Variants in HS6ST2 observed in about 807,000 individuals in gnomAD.
The protein encoded by HS6ST2 is heparan-sulfate 6-O-sulfotransferase 2.
HS6ST2 carries 17 observed loss-of-function variants against 33.0 expected under a neutral mutation model. The ratio of observed to expected loss-of-function variants is 0.52; its 90% CI spans 0.35 to 0.77. The LOEUF (loss-of-function observed/expected upper bound fraction) is 0.77. Among genes scored for constraint, HS6ST2 ranks in the 30% least tolerant of loss-of-function variants. HS6ST2 has a pLI of 0.01. For missense variants in HS6ST2, 519 were observed against 551.7 expected, an observed-to-expected ratio of 0.94 and a Z score of 0.59; for synonymous variants, 248 against 237.1, an observed-to-expected ratio of 1.05 and a Z score of -0.42.
chrX:132,900,984 T>C (rs1274009641), intron 2 of HS6ST2, among the ~76,000 whole-genome samples: 1 of 112,674 alleles, frequency 8.9e-6, no homozygotes, highest in Non-Finnish European at 1.9e-5. Flanking sequence ...ATAGATGCTA[T>C]GTGGCAAATT....
intron 3 of HS6ST2, among the ~76,000 whole-genome samples, chrX:132,699,931 T>C (rs7054155): frequency 0.024 from 2,692 of 112,212 alleles, 57 homozygotes; most frequent in East Asian, 0.14. Context: ...CACAGCCTCA[T>C]GTGGATTTAT....
intron 2 of HS6ST2, among the ~76,000 whole-genome samples, chrX:132,863,491 A>T (rs1273134460): frequency 1.1e-5 from 1 of 94,284 alleles, no homozygotes; most frequent in South Asian, 5.2e-4. Flanking sequence ...AGCTAACTTA[A>T]TTTTTTTTTT....
At chrX:132,673,534 T>G (rs147893960) in intron 3 of HS6ST2, among the ~76,000 whole-genome samples, 2,007 of 112,646 alleles carry the variant, frequency 0.018, 15 homozygotes, top group Non-Finnish European at 0.03. Flanking sequence ...TCTGTTGCAT[T>G]TGTATAGTCC....
At position 132,781,589 on chromosome X, in the gene HS6ST2, G is replaced by A. The variant is rs192458224; in HGVS notation, c.948-73095C>T. Among the ~76,000 whole-genome samples, 14 of 111,624 alleles carry A rather than the reference G, an allele frequency of 1.3e-4. No homozygotes were observed. The East Asian group carries it at 2.3e-3, about 18-fold the overall frequency. On this transcript the variant is annotated intron_variant, in intron 2 of 4. Coordinates refer to ENST00000370833, the MANE Select transcript of HS6ST2 (RefSeq NM_001394073.1). Reference sequence around the variant, plus strand: ...TTTATACTGCTATAAAGAACTGCCCGAGACTGGGCAATTTATAAAGAAAGA... The same window carrying A: ...TTTATACTGCTATAAAGAACTGCCCAAGACTGGGCAATTTATAAAGAAAGA...
intron 2 of HS6ST2, among the ~76,000 whole-genome samples, chrX:132,875,820 A>G (rs747184964): frequency 5.4e-5 from 6 of 111,946 alleles, no homozygotes; most frequent in African/African-American, 1.9e-4. Context: ...TGAAGATCAC[A>G]AACTTTGCAG....
In HS6ST2 at chrX:132,652,378, C is replaced by G. The variant is rs145569193; in HGVS notation, c.1067+16735G>C. Among the ~76,000 whole-genome samples, 783 of 112,006 alleles carry G rather than the reference C, an allele frequency of 7.0e-3. 3 individuals carry two copies. The highest frequency in any genetic ancestry group is 0.023 in the Middle Eastern group (5 of 215). On this transcript the variant is annotated intron_variant, in intron 4 of 4. Transcript: ENST00000370833. ...CACATTTACATAAGATAGCTCTTAT[C>G]TACAGCTGAAAAAGGCACAACTATA...
intron 2 of HS6ST2, among the ~76,000 whole-genome samples, chrX:132,784,773 T>C (rs2065046561): frequency 8.9e-6 from 1 of 112,020 alleles, no homozygotes; most frequent in Admixed American, 9.4e-5. Flanking sequence ...AGAAACTTCA[T>C]TTGGTCGGGC....
chrX:132,716,318 G>C (rs2064273151), intron 2 of HS6ST2, among the ~76,000 whole-genome samples: 1 of 112,071 alleles, frequency 8.9e-6, no homozygotes, highest in African/African-American at 3.2e-5. Flanking sequence ...CATTGTTTCT[G>C]AAAACATTAC....
intron 2 of HS6ST2, among the ~76,000 whole-genome samples, chrX:132,865,695 T>C (rs1380437326): frequency 8.9e-6 from 1 of 112,332 alleles, no homozygotes; most frequent in Non-Finnish European, 1.9e-5. Context: ...TGATATCTCA[T>C]TGTGGTTTTG....
chrX:132,957,854 G>T (rs1460342066), intron 1 of HS6ST2, among the ~76,000 whole-genome samples: 1 of 112,126 alleles, frequency 8.9e-6, no homozygotes, highest in Non-Finnish European at 1.9e-5. Context: ...TTTTGCCGGC[G>T]CCCGCGCCCG....
intron 2 of HS6ST2, among the ~76,000 whole-genome samples, chrX:132,724,137 A>AAAAAG (rs200784395): frequency 0.031 from 3,229 of 104,024 alleles, 43 homozygotes; most frequent in Middle Eastern, 0.04. Flanking sequence ...ACTCCATTTC[A>AAAAAG]AAAAGAAAAG....
intron 2 of HS6ST2, among the ~76,000 whole-genome samples, chrX:132,952,696 A>G (rs2067026573): frequency 9.0e-6 from 1 of 111,567 alleles, no homozygotes; most frequent in Non-Finnish European, 1.9e-5. Flanking sequence ...TTTCCCATCA[A>G]TGATATGCTA....
intron 2 of HS6ST2, among the ~76,000 whole-genome samples, chrX:132,725,102 T>G (rs1286371104): frequency 9.0e-6 from 1 of 111,351 alleles, no homozygotes; most frequent in Non-Finnish European, 1.9e-5. Flanking sequence ...AAAGATTTCT[T>G]GAGCAATACC....
chrX:132,904,531 CTT>C (rs1389225833), intron 2 of HS6ST2, among the ~76,000 whole-genome samples: 1 of 70,354 alleles, frequency 1.4e-5, no homozygotes, highest in Non-Finnish European at 2.7e-5. Context: ...TTTTTTTTCT[CTT>C]TGTGTGTGTG....
chrX:132,960,526 G>C (rs1324283800), upstream of HS6ST2, among the ~76,000 whole-genome samples: 9 of 107,530 alleles, frequency 8.4e-5, no homozygotes, highest in African/African-American at 3.1e-4. Flanking sequence ...TGGAACACAA[G>C]AAAGTGCCTT....
chrX:132,918,746 T>C (rs1189368400), intron 2 of HS6ST2, among the ~76,000 whole-genome samples: 2 of 111,635 alleles, frequency 1.8e-5, no homozygotes, highest in African/African-American at 6.5e-5. Context: ...ACAGTCACCC[T>C]GTTAATGGTC....
In HS6ST2 at chrX:132,677,929, T is replaced by G. The variant is rs1470785718; in HGVS notation, c.981-8730A>C. Among the ~76,000 whole-genome samples the G allele has an allele frequency of 2.2e-4, 25 of 112,066 alleles. No homozygotes were observed. The Admixed American group carries it at 2.4e-3, about 11-fold the overall frequency. ...CCTACTTAACCAAGACTGCTGATTT[T>G]GACATTGGGGCATGGGGTACCCATT... On this transcript the variant is annotated intron_variant, in intron 3 of 4. Coordinates refer to ENST00000370833, the MANE Select transcript of HS6ST2 (RefSeq NM_001394073.1).
At chrX:132,801,642 T>TAGAATGG (rs1296946062) in intron 2 of HS6ST2, among the ~76,000 whole-genome samples, 153 of 111,477 alleles carry the variant, frequency 1.4e-3, no homozygotes, top group African/African-American at 4.4e-3. Flanking sequence ...AGAATGGCCT[T>TAGAATGG]CTCTTGGGTT....
chrX:132,937,381 C>G (rs765097131), intron 2 of HS6ST2, among the ~76,000 whole-genome samples: 1 of 111,824 alleles, frequency 8.9e-6, no homozygotes, highest in South Asian at 3.7e-4. Flanking sequence ...AGACCCTGAA[C>G]AGCCGAAGCA....
Sources: allele counts gnomAD v4.1 joint callset (sites outside exome capture counted in the v4.1 genomes callset), GRCh38; gene constraint gnomAD v4.1.1; transcripts MANE v1.5; gene names NCBI Gene and HGNC (gene_info 2026-07-23, HGNC 2026-07-21).